NEDD1: variants seen among roughly 807,000 people sequenced by gnomAD.
NEDD1 encodes the protein NEDD1 gamma-tubulin ring complex targeting factor, also known as protein NEDD1.
In NEDD1, 33 loss-of-function variants were observed where a neutral mutation model predicts 74.0. The observed-to-expected ratio is 0.45, with a 90% CI of 0.34 to 0.60. The LOEUF (loss-of-function observed/expected upper bound fraction) is 0.60. Among genes scored for constraint, NEDD1 ranks in the 20% least tolerant of loss-of-function variants. The probability of loss-of-function intolerance (pLI) is 0.01; values close to 1 mark genes in which losing one functional copy is unlikely to be tolerated. For missense variants in NEDD1, 746 were observed against 776.5 expected (o/e 0.96, Z 0.47); for synonymous variants, 250 against 264.4 (o/e 0.95, Z 0.53).
At chr12:96,928,125 A>G (rs942136048) in intron 6 of NEDD1, among the ~76,000 whole-genome samples, 4 of 152,098 alleles carry the variant, frequency 2.6e-5, no homozygotes, top group African/African-American at 9.7e-5. Context: ...AAGCTATTTG[A>G]AAGATGTTTT....
chr12:96,920,486 C>T (rs1874954436), intron 6 of NEDD1, among the ~76,000 whole-genome samples: 1 of 152,078 alleles, frequency 6.6e-6, no homozygotes, highest in Non-Finnish European at 1.5e-5. Context: ...GACAGATACA[C>T]TCATAAATAC....
rs949353426 is a variant in NEDD1 at position 96,907,673 on chromosome 12, G to T, written c.-192G>T. On this transcript the variant is annotated 5_prime_UTR_variant, in exon 2 of 16. Transcript: ENST00000266742. ...CCTGCAAGTAAAGTGTATTTTTGGT[G>T]ATTGAAAGTTGGAGAACTTTCATTT... 1 of 1,551,050 alleles carries T rather than the reference G, an allele frequency of 6.4e-7. No homozygotes were observed. The highest frequency in any genetic ancestry group is 8.7e-7 in the Non-Finnish European group (1 of 1,146,532).
chr12:96,910,401 C>CTG (rs1042328279), intron 3 of NEDD1, among the ~76,000 whole-genome samples: 3 of 152,172 alleles, frequency 2.0e-5, no homozygotes, highest in African/African-American at 7.2e-5. Context: ...TCCTTCCTCT[C>CTG]TGTGTGTGTG....
At chr12:96,944,013 G>A (rs765283252) in intron 12 of NEDD1, among the ~76,000 whole-genome samples, 1 of 152,078 alleles carries the variant, frequency 6.6e-6, no homozygotes, top group East Asian at 1.9e-4. Context: ...TGCAAGAACA[G>A]TTTATCCCTG....
chr12:96,952,115 T>C lies in NEDD1; in HGVS notation c.*62T>C. 1 of 872,776 alleles carries C rather than the reference T, an allele frequency of 1.1e-6. No homozygotes were observed. Among genetic ancestry groups the C allele is most frequent in the East Asian group, 2.5e-5 (1 of 40,664 alleles). 54.1% of individuals were successfully genotyped at this position (872,776 alleles called of 1,614,324 possible). On this transcript the variant is annotated 3_prime_UTR_variant, in exon 16 of 16. Coordinates refer to ENST00000266742, the MANE Select transcript of NEDD1 (RefSeq NM_152905.4). ...AAGTTTCTGGCAACACAGAACTACA[T>C]AGAATCAGTATTGTTTTCATGGCCT... is the stretch of plus-strand genomic sequence containing the variant.
chr12:96,930,843 C>A (rs116322130), intron 6 of NEDD1, among the ~76,000 whole-genome samples: 1 of 152,150 alleles, frequency 6.6e-6, no homozygotes, highest in African/African-American at 2.4e-5. Flanking sequence ...TGCACACACA[C>A]GTACACATGC....
At chr12:96,951,301 G>T in intron 14 of NEDD1, 131 bp from the exon 15 acceptor site, 1 of 514,006 alleles carries the variant, frequency 1.9e-6, no homozygotes, top group African/African-American at 2.0e-5. Context: ...TCAGTGCATT[G>T]GTATTTTTAT....
intron 4 of NEDD1, among the ~76,000 whole-genome samples, chr12:96,916,050 G>C (rs1285303159): frequency 6.6e-6 from 1 of 152,090 alleles, no homozygotes; most frequent in East Asian, 1.9e-4. Context: ...GAATAGCTGT[G>C]TAGAAGCCTT....
chr12:96,920,184 C>T, intron 6 of NEDD1, 59 bp downstream of exon 6: 2 of 1,037,372 alleles, frequency 1.9e-6, no homozygotes, highest in Non-Finnish European at 2.7e-6. Context: ...TTGTATCTTA[C>T]ATAAGACTGT....
In NEDD1 at chr12:96,938,978, T is replaced by A. The variant is rs188693715; in HGVS notation, c.1118-1431T>A. Among the ~76,000 whole-genome samples, 526 of 152,146 alleles carry A rather than the reference T, an allele frequency of 3.5e-3. 18 individuals carry two copies. Among genetic ancestry groups the A allele is most frequent in the Admixed American group, 0.032 (488 of 15,256 alleles). The stretch of plus-strand genomic sequence containing the variant: ...ATTTTTTTCCTGTACACATTTAAGA[T>A]GACATTTAACTGTTAGGGTTATTGT... On this transcript the variant is annotated intron_variant, in intron 9 of 15. Transcript: ENST00000266742.
At chr12:96,928,649 T>G (rs1178756528) in intron 6 of NEDD1, among the ~76,000 whole-genome samples, 1 of 151,666 alleles carries the variant, frequency 6.6e-6, no homozygotes, top group African/African-American at 2.4e-5. Context: ...TTGGTCATTA[T>G]GTATTGCTAT....
Position 96,952,533 on chromosome 12 carries a change from G to T in NEDD1, c.*480G>T, listed in dbSNP as rs1349780103. On this transcript the variant is annotated 3_prime_UTR_variant, in exon 16 of 16. Transcript: ENST00000266742. ...AAGCCATTGACTAATAAAACATAGG[G>T]TTGGCTAGTAATTATTTTGTTAACT... is the stretch of plus-strand genomic sequence containing the variant. 1.3e-5 allele frequency: 2 copies of T among 151,890 alleles called. No homozygotes were observed. Among genetic ancestry groups the T allele is most frequent in the African/African-American group, 4.8e-5 (2 of 41,410 alleles). The allele number at this position is 151,890 out of a possible 1,614,324, so 9.4% of individuals were successfully genotyped here.
At chr12:96,912,869 C>T in intron 4 of NEDD1, 52 bp downstream of exon 4, 1 of 857,980 alleles carries the variant, frequency 1.2e-6, no homozygotes, top group Non-Finnish European at 1.9e-6. Context: ...TTTTGCTTGA[C>T]TGGCAATTGC....
intron 3 of NEDD1, among the ~76,000 whole-genome samples, chr12:96,910,574 T>A (rs1873816143): frequency 6.6e-6 from 1 of 152,220 alleles, no homozygotes; most frequent in Admixed American, 6.5e-5. Flanking sequence ...TTCTGAACCC[T>A]GTGCTATTGA....
intron 12 of NEDD1, among the ~76,000 whole-genome samples, chr12:96,944,038 G>A (rs944865011): frequency 6.6e-6 from 1 of 152,046 alleles, no homozygotes; most frequent in Non-Finnish European, 1.5e-5. Context: ...CTTTTAAAGT[G>A]TATTTCATTG....
chr12:96,912,310 C>G (rs758507495), intron 3 of NEDD1, among the ~76,000 whole-genome samples: 1 of 150,794 alleles, frequency 6.6e-6, no homozygotes, highest in Non-Finnish European at 1.5e-5. Context: ...TGTTTGCTTC[C>G]TAGTTTAGAT....
chr12:96,950,672 T>C (rs1878629636), intron 14 of NEDD1, among the ~76,000 whole-genome samples: 1 of 151,870 alleles, frequency 6.6e-6, no homozygotes, highest in African/African-American at 2.4e-5. Context: ...ACAAATGTAT[T>C]AAAAAAGCAA....
intron 4 of NEDD1, among the ~76,000 whole-genome samples, chr12:96,916,175 AAAG>A (rs1874416378): frequency 1.3e-5 from 2 of 151,824 alleles, no homozygotes; most frequent in South Asian, 4.2e-4. Flanking sequence ...TAGGACTTTG[AAAG>A]CCAGGTAAAT....
intron 13 of NEDD1, among the ~76,000 whole-genome samples, chr12:96,945,022 G>T (rs1242285093): frequency 2.6e-5 from 4 of 152,176 alleles, no homozygotes; most frequent in African/African-American, 9.6e-5. Context: ...TAGATTTTCA[G>T]TGTAATATGT....
Sources: allele counts gnomAD v4.1 joint callset (sites outside exome capture counted in the v4.1 genomes callset), GRCh38; gene constraint gnomAD v4.1.1; transcripts MANE v1.5; gene names NCBI Gene and HGNC (gene_info 2026-07-23, HGNC 2026-07-21).